Variants in SIPA1L3 observed in about 807,000 individuals in gnomAD.
The protein encoded by SIPA1L3 is signal-induced proliferation-associated 1-like protein 3.
Under a neutral mutation model 150.1 loss-of-function variants are expected in SIPA1L3, and 59 were observed. The observed-to-expected ratio is 0.39, with a 90% CI of 0.32 to 0.49. The LOEUF (loss-of-function observed/expected upper bound fraction) is 0.49. Among genes scored for constraint, SIPA1L3 ranks in the 20% least tolerant of loss-of-function variants. The probability of loss-of-function intolerance (pLI) is 0.86; values close to 1 mark genes in which losing one functional copy is unlikely to be tolerated. For missense variants in SIPA1L3, 2,211 were observed against 2,489.5 expected (o/e 0.89, Z 2.38); for synonymous variants, 1,070 against 1,077.6 (o/e 0.99, Z 0.14).
chr19:38,165,119 C>A (rs756355297), intron 15 of SIPA1L3, among the ~76,000 whole-genome samples: 4 of 152,188 alleles, frequency 2.6e-5, no homozygotes, highest in Non-Finnish European at 4.4e-5. Flanking sequence ...GGAAAGAAAC[C>A]CCTGGCCTTC....
At position 37,929,862 on chromosome 19, in the gene SIPA1L3, T is replaced by C. The variant is rs183593319; in HGVS notation, c.-379+22504T>C. Among the ~76,000 whole-genome samples, 11 of 152,146 alleles carry C rather than the reference T, an allele frequency of 7.2e-5. No homozygotes were observed. In the East Asian group the frequency reaches 2.1e-3, roughly 29 times the overall value. ...ATGTCTGTATCTATGTATGTATGTA[T>C]GTGTTTGTTGTTTTTAGAGACAGTC... is the stretch of plus-strand genomic sequence containing the variant. On this transcript the variant is annotated intron_variant, in intron 1 of 21. Transcript: ENST00000222345.
At chr19:38,187,662 G>A (rs1972713758) in intron 16 of SIPA1L3, among the ~76,000 whole-genome samples, 1 of 141,356 alleles carries the variant, frequency 7.1e-6, no homozygotes, top group Non-Finnish European at 1.5e-5. Flanking sequence ...AGCCTGCAGT[G>A]AGCCAAGATT....
chr19:38,047,225 G>A lies in SIPA1L3; in HGVS notation c.-311+18069G>A, dbSNP rs879909623. Among the ~76,000 whole-genome samples the A allele has an allele frequency of 1.1e-4, 16 of 151,942 alleles. No individual in the cohort carries two copies. The highest frequency in any genetic ancestry group is 4.6e-4 in the Admixed American group (7 of 15,250). Reference sequence around the variant, plus strand: ...TCCTGCCAGCCTGTTCTCCCCCGCCGACACACACGCACGCACACACGCACG... The same window carrying A: ...TCCTGCCAGCCTGTTCTCCCCCGCCAACACACACGCACGCACACACGCACG... On this transcript the variant is annotated intron_variant, in intron 2 of 21. Transcript: ENST00000222345. The surrounding 1 kb of genome is among the most constrained non-coding windows in gnomAD (Gnocchi z 4.7).
chr19:38,059,963 C>T (rs774155954), intron 2 of SIPA1L3, among the ~76,000 whole-genome samples: 5 of 152,078 alleles, frequency 3.3e-5, no homozygotes, highest in Non-Finnish European at 5.9e-5. Context: ...TTAGTAGAGA[C>T]GAGGTTTTGC....
intron 19 of SIPA1L3, among the ~76,000 whole-genome samples, chr19:38,199,545 C>G (rs1235922177): frequency 6.6e-6 from 1 of 152,172 alleles, no homozygotes; most frequent in Non-Finnish European, 1.5e-5. Context: ...CTGTGCGTCA[C>G]AGTCGCCTAG....
intron 1 of SIPA1L3, among the ~76,000 whole-genome samples, chr19:37,942,087 A>T (rs555665473): frequency 6.6e-6 from 1 of 152,350 alleles, no homozygotes; most frequent in South Asian, 2.1e-4. Context: ...GTGCAAACTC[A>T]TTCATTCATT....
At chr19:38,148,074 C>T (rs933977311) in intron 12 of SIPA1L3, among the ~76,000 whole-genome samples, 7 of 151,240 alleles carry the variant, frequency 4.6e-5, no homozygotes, top group East Asian at 2.0e-4. Flanking sequence ...GGGAAGGGGC[C>T]GGGCTCGGTG....
intron 15 of SIPA1L3, among the ~76,000 whole-genome samples, chr19:38,171,385 C>CTTTTTTTTTTTTTTTTTTTTTTTTTTTT (rs1055077464): frequency 1.3e-5 from 1 of 77,884 alleles, no homozygotes; most frequent in Non-Finnish European, 2.4e-5. Flanking sequence ...CCTACCAAAA[C>CTTTTTTTTTTTTTTTTTTTTTTTTTTTT]TTTTTTTTTT....
intron 2 of SIPA1L3, among the ~76,000 whole-genome samples, chr19:38,033,075 A>G (rs1968688675): frequency 6.6e-6 from 1 of 152,214 alleles, no homozygotes. Context: ...GGGAGATCAC[A>G]GTCAAATCAT....
At position 37,973,564 on chromosome 19, in the gene SIPA1L3, G is replaced by GT. The variant is rs1568484989; in HGVS notation, c.-378-55525_-378-55524insT. On this transcript the variant is annotated intron_variant, in intron 1 of 21. Transcript: ENST00000222345. ...AAAAAAAAAAAAAAAAGCGGGAGGGGGGCGCATCTTGAAGCACTAAAACGC... is the reference window on the plus strand; with the variant it reads ...AAAAAAAAAAAAAAAAGCGGGAGGGGTGGCGCATCTTGAAGCACTAAAACGC... 1.4e-5 allele frequency among the ~76,000 whole-genome samples: 2 copies of GT among 144,540 alleles called. 1 individual carries two copies. The highest frequency in any genetic ancestry group is 5.3e-5 in the African/African-American group (2 of 37,706). 94.8% of individuals were successfully genotyped at this position (144,540 alleles called of 152,430 possible).
In SIPA1L3 at chr19:38,086,448, G is replaced by A. The variant is rs145736150; in HGVS notation, c.1535-2273G>A. On this transcript the variant is annotated intron_variant, in intron 3 of 21. Transcript: ENST00000222345. The stretch of plus-strand genomic sequence containing the variant: ...CTGAAAGTGTAATTCCACCACTTTC[G>A]GAGGCCGAGGTAGGATGATTACTTG... Among the ~76,000 whole-genome samples, 120 of 152,196 alleles carry A rather than the reference G, an allele frequency of 7.9e-4. 3 individuals carry two copies. In the East Asian group the frequency reaches 0.018, roughly 22 times the overall value.
intron 1 of SIPA1L3, among the ~76,000 whole-genome samples, chr19:38,023,018 G>A (rs1332441715): frequency 1.3e-5 from 2 of 152,196 alleles, no homozygotes; most frequent in Non-Finnish European, 2.9e-5. Flanking sequence ...AGCACATTTG[G>A]TGTTGTCAGC....
chr19:37,971,651 G>A (rs987474075), intron 1 of SIPA1L3, among the ~76,000 whole-genome samples: 4 of 151,700 alleles, frequency 2.6e-5, no homozygotes, highest in African/African-American at 7.3e-5. Flanking sequence ...CTGCTACTTC[G>A]CTTCCCAGGT....
intron 2 of SIPA1L3, among the ~76,000 whole-genome samples, chr19:38,072,570 GACTTA>G (rs1969747561): frequency 6.6e-6 from 1 of 152,184 alleles, no homozygotes; most frequent in Non-Finnish European, 1.5e-5. Flanking sequence ...CATCTTCTCA[GACTTA>G]GGGTTAAAGG....
In SIPA1L3 at chr19:38,046,452, C is replaced by T. The variant is rs1969059380; in HGVS notation, c.-311+17296C>T. Among the ~76,000 whole-genome samples, 1 of 152,166 alleles carries T rather than the reference C, an allele frequency of 6.6e-6. No homozygotes were observed. The highest frequency in any genetic ancestry group is 6.5e-5 in the Admixed American group (1 of 15,280). On this transcript the variant is annotated intron_variant, in intron 2 of 21. Transcript: ENST00000222345. This position sits in a 1 kb window ranked among gnomAD's most constrained non-coding sequence, Gnocchi z 5.6. ...GTGGGGTGGTGGTGGAGTCTTTGAC[C>T]TCATGCCGATCAACGTGCTTCTCTC...
At position 38,097,916 on chromosome 19, in the gene SIPA1L3, A is replaced by G. The variant is rs1356842501; in HGVS notation, c.1666-2046A>G. On this transcript the variant is annotated intron_variant, in intron 4 of 21. Coordinates refer to ENST00000222345, the MANE Select transcript of SIPA1L3 (RefSeq NM_015073.3). ...TACACATACCAAATATATATATCTC[A>G]AAACAAACCACGAGCTTCGGAGAAG... Among the ~76,000 whole-genome samples, 6 of 152,340 alleles carry G rather than the reference A, an allele frequency of 3.9e-5. No individual in the cohort carries two copies. The East Asian group carries it at 1.2e-3, about 29-fold the overall frequency.
intron 9 of SIPA1L3, among the ~76,000 whole-genome samples, chr19:38,128,677 ACT>A (rs779983278): frequency 1.2e-4 from 18 of 152,116 alleles, no homozygotes; most frequent in Non-Finnish European, 2.5e-4. Context: ...CAGGTGAATC[ACT>A]TGAGGTCAGG....
intron 18 of SIPA1L3, among the ~76,000 whole-genome samples, chr19:38,197,500 C>T (rs556543917): frequency 7.2e-5 from 11 of 152,180 alleles, no homozygotes; most frequent in South Asian, 2.1e-4. Context: ...AACCCCACCC[C>T]GTGTAAACAC....
intron 1 of SIPA1L3, chr19:37,932,603 A>G (rs530648481): frequency 1.3e-5 from 2 of 152,084 alleles, no homozygotes; most frequent in East Asian, 3.9e-4. Context: ...TCGCCCTGGG[A>G]GGACCAGGGA....
Sources: allele counts gnomAD v4.1 joint callset (sites outside exome capture counted in the v4.1 genomes callset), GRCh38; gene constraint gnomAD v4.1.1; non-coding constraint Gnocchi (gnomAD v3.1); transcripts MANE v1.5; gene names NCBI Gene and HGNC (gene_info 2026-07-23, HGNC 2026-07-21).